MAP2K1: variants seen among roughly 807,000 people sequenced by gnomAD.
The protein encoded by MAP2K1 is dual specificity mitogen-activated protein kinase kinase 1.
A neutral mutation model predicts 46.3 loss-of-function variants in MAP2K1; 16 were observed. The ratio of observed to expected loss-of-function variants is 0.35; its 90% CI spans 0.23 to 0.52. The LOEUF (loss-of-function observed/expected upper bound fraction) is 0.52. MAP2K1 is among the 20% of genes least tolerant of loss of function. The pLI is 0.94. For missense variants in MAP2K1, 263 were observed against 497.1 expected (o/e 0.53, Z 4.48); for synonymous variants, 183 against 185.6 (o/e 0.99, Z 0.11).
intron 5 of MAP2K1, among the ~76,000 whole-genome samples, chr15:66,456,449 C>A (rs1892167322): frequency 6.6e-6 from 1 of 152,154 alleles, no homozygotes; most frequent in Admixed American, 6.5e-5. Context: ...GGTCGGAAGG[C>A]AGGGATGAAT....
intron 5 of MAP2K1, among the ~76,000 whole-genome samples, chr15:66,469,195 G>T (rs1179506170): frequency 6.6e-6 from 1 of 152,012 alleles, no homozygotes; most frequent in East Asian, 1.9e-4. Flanking sequence ...GGTGGAGGTT[G>T]CAGTGAGCCG....
At chr15:66,446,787 CT>C (rs1891880260) in intron 5 of MAP2K1, 1 of 276,388 alleles carries the variant, frequency 3.6e-6, no homozygotes, top group Non-Finnish European at 7.6e-6. Context: ...CACATATTTC[CT>C]TTTAGAAGTC....
chr15:66,477,110 C>T (rs1892771088), intron 5 of MAP2K1, among the ~76,000 whole-genome samples: 1 of 152,242 alleles, frequency 6.6e-6, no homozygotes, highest in Non-Finnish European at 1.5e-5. Flanking sequence ...TTCTCCTCCT[C>T]TCCAACCCCT....
chr15:66,407,561 T>A (rs1292392770), intron 1 of MAP2K1, among the ~76,000 whole-genome samples: 1 of 152,262 alleles, frequency 6.6e-6, no homozygotes, highest in East Asian at 1.9e-4. Context: ...GGTTTGTATA[T>A]GAGCTGCACA....
At chr15:66,395,706 A>G (rs574715719) in intron 1 of MAP2K1, among the ~76,000 whole-genome samples, 46 of 151,220 alleles carry the variant, frequency 3.0e-4, no homozygotes, top group African/African-American at 1.1e-3. Flanking sequence ...CCTCCCGAGT[A>G]GCTGGGATTA....
chr15:66,489,677 G>C (rs770984964), intron 9 of MAP2K1, 41 bp from the exon 10 acceptor site: 19 of 1,507,906 alleles, frequency 1.3e-5, no homozygotes, highest in Non-Finnish European at 1.7e-5. Context: ...GCTAGAACCA[G>C]TGCCAGGCAA....
intron 7 of MAP2K1, 74 bp downstream of exon 7, chr15:66,485,265 GCTGATTCTCTGTACATTCTGCCAAGA>G (rs1307251380): frequency 8.0e-6 from 11 of 1,374,674 alleles, no homozygotes; most frequent in Middle Eastern, 2.5e-4. Context: ...TTTCTGGAGG[GCTGATTCTCTGTACATTCTGCCAAGA>G]CTGATTCTCT....
intron 1 of MAP2K1, among the ~76,000 whole-genome samples, chr15:66,399,773 T>A (rs1338954454): frequency 6.6e-6 from 1 of 152,052 alleles, no homozygotes; most frequent in Non-Finnish European, 1.5e-5. Context: ...ATTTTTGTAT[T>A]TTTAGTAGAG....
chr15:66,424,697 C>A, intron 1 of MAP2K1, among the ~76,000 whole-genome samples: 1 of 152,002 alleles, frequency 6.6e-6, no homozygotes, highest in African/African-American at 2.4e-5. Flanking sequence ...TACACTCTTG[C>A]CCCTTTCCTA....
chr15:66,463,816 G>C (rs1280232150), intron 5 of MAP2K1, among the ~76,000 whole-genome samples: 1 of 152,224 alleles, frequency 6.6e-6, no homozygotes, highest in African/African-American at 2.4e-5. Context: ...AGGGAGTCGT[G>C]AGACATCAAT....
intron 5 of MAP2K1, chr15:66,446,758 G>T (rs1016774545): frequency 3.0e-6 from 1 of 332,076 alleles, no homozygotes; most frequent in Non-Finnish European, 6.3e-6. Context: ...GGCAAAAATG[G>T]CCTTGCACCA....
intron 1 of MAP2K1, among the ~76,000 whole-genome samples, chr15:66,414,291 C>G (rs923887025): frequency 8.4e-6 from 1 of 118,692 alleles, no homozygotes; most frequent in African/African-American, 2.8e-5. Context: ...TGACCACACA[C>G]ACTTCTGTTG....
intron 1 of MAP2K1, 116 bp from the exon 2 acceptor site, chr15:66,434,911 C>T: frequency 1.2e-6 from 1 of 804,114 alleles, no homozygotes. Flanking sequence ...CTCTAGCCTC[C>T]CACTTTGATT....
intron 5 of MAP2K1, among the ~76,000 whole-genome samples, chr15:66,455,237 A>G (rs988459078): frequency 6.6e-6 from 1 of 152,228 alleles, no homozygotes; most frequent in Non-Finnish European, 1.5e-5. Flanking sequence ...TGCCTAGTCC[A>G]GGTTGAAAGT....
In MAP2K1 at chr15:66,489,472, A is replaced by T; in HGVS notation, c.1022+196A>T. The T allele has an allele frequency of 4.5e-6, 3 of 673,422 alleles. No homozygotes were observed. The Admixed American group carries it at 7.1e-5, about 16-fold the overall frequency. 41.7% of individuals were successfully genotyped at this position (673,422 alleles called of 1,614,324 possible). On this transcript the variant is annotated intron_variant, in intron 9 of 10. Transcript: ENST00000307102. ...TGTGGCATGTCTAACTACATCATGG[A>T]TGTAGTAGCTGCTCCTTTTGGTACT... is the stretch of plus-strand genomic sequence containing the variant.
At chr15:66,487,126 A>G (rs1893060109) in intron 7 of MAP2K1, 102 bp from the exon 8 acceptor site, 4 of 933,850 alleles carry the variant, frequency 4.3e-6, no homozygotes, top group East Asian at 2.5e-5. Context: ...TTTATTGTCC[A>G]TGACCCTGTT....
Position 66,489,259 on chromosome 15 carries a change from A to C in MAP2K1, c.1005A>C (p.Gln335His). 2 of 1,614,072 alleles carry C rather than the reference A, an allele frequency of 1.2e-6. No homozygotes were observed. Among genetic ancestry groups the C allele is most frequent in the Non-Finnish European group, 1.7e-6 (2 of 1,179,964 alleles). Residue 335 changes from glutamine to histidine, a missense_variant, in exon 9 of 11, where the codon CAA becomes CAC. Physicochemically the swap from Gln to His is conservative, Grantham distance 24. Transcript: ENST00000307102. ...LPSGVFSLEF[Q>H]DFVNKCLIKN... is the part of the protein sequence containing the mutation. ...GTGGAGTGTTCAGTCTGGAATTTCA[A>C]GATTTTGTGAATAAATGGTAAGTTG...
At chr15:66,462,057 T>G (rs1409758107) in intron 5 of MAP2K1, among the ~76,000 whole-genome samples, 1 of 152,248 alleles carries the variant, frequency 6.6e-6, no homozygotes. Context: ...TCCTATCCTC[T>G]TAGAGCTGTG....
At chr15:66,436,669 A>G in intron 2 of MAP2K1, 77 bp from the exon 3 acceptor site, 1 of 1,427,210 alleles carries the variant, frequency 7.0e-7, no homozygotes, top group Non-Finnish European at 9.9e-7. Context: ...GAGCTTAAAC[A>G]TTTAACAAGA....
Sources: gnomAD v4.1 joint callset for allele counts (sites outside exome capture counted in the v4.1 genomes callset) on GRCh38, gnomAD v4.1.1 for gene constraint, MANE v1.5 for transcripts, NCBI Gene and HGNC (gene_info 2026-07-23, HGNC 2026-07-21) for gene names.